The following TAFA4 variants were observed in gnomAD, a reference collection of about 807,000 sequenced individuals.
TAFA4 encodes chemokine-like protein TAFA-4.
In TAFA4, 20 loss-of-function variants were observed where a neutral mutation model predicts 21.1. That is an observed-to-expected ratio of 0.95 (90% CI 0.67 to 1.38). The LOEUF is 1.38. Ranked by LOEUF, TAFA4 falls within the 40% of genes most tolerant of loss-of-function variation. The pLI is 0.00. For missense variants in TAFA4, 211 were observed against 180.9 expected, an observed-to-expected ratio of 1.17 and a Z score of -0.95; for synonymous variants, 71 against 67.4, an observed-to-expected ratio of 1.05 and a Z score of -0.26.
At chr3:68,850,607 C>T (rs1464952352) in intron 3 of TAFA4, among the ~76,000 whole-genome samples, 1 of 152,178 alleles carries the variant, frequency 6.6e-6, no homozygotes, top group Non-Finnish European at 1.5e-5. Flanking sequence ...GATATTATCT[C>T]ACTGCAGTTT....
intron 3 of TAFA4, among the ~76,000 whole-genome samples, chr3:68,789,871 T>C (rs538755788): frequency 3.9e-5 from 6 of 152,226 alleles, no homozygotes; most frequent in African/African-American, 1.4e-4. Context: ...ACCTCTCACC[T>C]CTAAAATGAG....
intron 1 of TAFA4, among the ~76,000 whole-genome samples, chr3:68,887,889 C>T (rs2089688990): frequency 6.6e-6 from 1 of 152,160 alleles, no homozygotes; most frequent in Non-Finnish European, 1.5e-5. Flanking sequence ...TCCATTCCAG[C>T]TGTATCAATC....
At chr3:68,876,404 C>T (rs1211242490) in intron 3 of TAFA4, among the ~76,000 whole-genome samples, 1 of 152,148 alleles carries the variant, frequency 6.6e-6, no homozygotes, top group Non-Finnish European at 1.5e-5. Flanking sequence ...CAAGTATAGC[C>T]GCCTGTACAT....
intron 3 of TAFA4, among the ~76,000 whole-genome samples, chr3:68,794,328 C>T (rs1378734069): frequency 6.6e-6 from 1 of 152,092 alleles, no homozygotes; most frequent in Non-Finnish European, 1.5e-5. Context: ...TTTCATTTCT[C>T]CTGTCATAAT....
intron 3 of TAFA4, among the ~76,000 whole-genome samples, chr3:68,800,827 A>G (rs1575613837): frequency 6.6e-6 from 1 of 152,328 alleles, no homozygotes; most frequent in East Asian, 1.9e-4. Flanking sequence ...GCACTTGAAG[A>G]ACTGAGCTGG....
intron 3 of TAFA4, among the ~76,000 whole-genome samples, chr3:68,772,330 G>A (rs1177252379): frequency 6.6e-6 from 1 of 152,198 alleles, no homozygotes; most frequent in Non-Finnish European, 1.5e-5. Flanking sequence ...TTACTTCTGG[G>A]TGTTTCTGTG....
intron 4 of TAFA4, among the ~76,000 whole-genome samples, chr3:68,748,039 G>A (rs927260549): frequency 6.6e-6 from 1 of 152,094 alleles, no homozygotes; most frequent in Admixed American, 6.5e-5. Context: ...TTCTCAAGGG[G>A]CAGCATCCCT....
intron 3 of TAFA4, among the ~76,000 whole-genome samples, chr3:68,869,936 A>C (rs2089464206): frequency 6.6e-6 from 1 of 152,160 alleles, no homozygotes; most frequent in African/African-American, 2.4e-5. Flanking sequence ...TTCATAGATG[A>C]CATGACATTA....
At chr3:68,912,913 T>C (rs1017747760) in intron 1 of TAFA4, among the ~76,000 whole-genome samples, 1 of 152,152 alleles carries the variant, frequency 6.6e-6, no homozygotes, top group Non-Finnish European at 1.5e-5. Flanking sequence ...GCTCAAGGTA[T>C]TTACCCAGGT....
chr3:68,770,706 C>T (rs1441785299), intron 3 of TAFA4, among the ~76,000 whole-genome samples: 1 of 152,184 alleles, frequency 6.6e-6, no homozygotes, highest in African/African-American at 2.4e-5. Flanking sequence ...ACCTCACCTT[C>T]TCCCACTTTA....
At chr3:68,826,886 C>G (rs1267348443) in intron 3 of TAFA4, among the ~76,000 whole-genome samples, 9 of 151,986 alleles carry the variant, frequency 5.9e-5, no homozygotes, top group African/African-American at 2.2e-4. Context: ...CAAAAAATTT[C>G]TGTATTTTTA....
At chr3:68,847,981 A>T (rs1321141079) in intron 3 of TAFA4, among the ~76,000 whole-genome samples, 1 of 152,252 alleles carries the variant, frequency 6.6e-6, no homozygotes, top group African/African-American at 2.4e-5. Context: ...TCTCAAAAAG[A>T]TAAATATTAC....
chr3:68,803,339 G>A (rs1044752039), intron 3 of TAFA4, among the ~76,000 whole-genome samples: 12 of 152,166 alleles, frequency 7.9e-5, no homozygotes, highest in African/African-American at 2.9e-4. Flanking sequence ...TCCTTCAAAT[G>A]GGAAGAGGGA....
At chr3:68,736,516 G>A (rs1313767390) in intron 5 of TAFA4, among the ~76,000 whole-genome samples, 1 of 152,072 alleles carries the variant, frequency 6.6e-6, no homozygotes, top group Non-Finnish European at 1.5e-5. Context: ...TTCTGACATA[G>A]CTGACTTACT....
intron 4 of TAFA4, among the ~76,000 whole-genome samples, chr3:68,748,514 G>T (rs757505873): frequency 2.6e-5 from 4 of 152,164 alleles, no homozygotes; most frequent in Non-Finnish European, 5.9e-5. Flanking sequence ...AGGCCAAGGC[G>T]GGTGGATCAC....
intron 3 of TAFA4, among the ~76,000 whole-genome samples, chr3:68,864,574 G>C (rs760380067): frequency 6.6e-6 from 1 of 152,048 alleles, no homozygotes; most frequent in Admixed American, 6.6e-5. Flanking sequence ...ATATGAACCA[G>C]CCATTCTTCT....
chr3:68,842,891 T>C (rs1414820035), intron 3 of TAFA4, among the ~76,000 whole-genome samples: 1 of 152,202 alleles, frequency 6.6e-6, no homozygotes, highest in Non-Finnish European at 1.5e-5. Flanking sequence ...TTCATTGGTC[T>C]ATGTATCTGC....
At chr3:68,829,254 A>C (rs767188247) in intron 3 of TAFA4, among the ~76,000 whole-genome samples, 1 of 152,166 alleles carries the variant, frequency 6.6e-6, no homozygotes, top group Non-Finnish European at 1.5e-5. Flanking sequence ...ACACATCCAC[A>C]ACCATCTGAT....
intron 3 of TAFA4, among the ~76,000 whole-genome samples, chr3:68,854,067 C>G (rs1186179305): frequency 1.3e-5 from 2 of 151,982 alleles, no homozygotes; most frequent in African/African-American, 2.4e-5. Context: ...AATAGGATGT[C>G]ATATAATTAT....
Sources: gnomAD v4.1 joint callset for allele counts (sites outside exome capture counted in the v4.1 genomes callset) on GRCh38, gnomAD v4.1.1 for gene constraint, MANE v1.5 for transcripts, NCBI Gene and HGNC (gene_info 2026-07-23, HGNC 2026-07-21) for gene names.